BANK1: variants seen among roughly 807,000 people sequenced by gnomAD.
BANK1 encodes the protein B cell scaffold protein with ankyrin repeats 1.
Under a neutral mutation model 94.5 loss-of-function variants are expected in BANK1, and 95 were observed. The ratio of observed to expected loss-of-function variants is 1.00; its 90% CI spans 0.85 to 1.19. The LOEUF is 1.19. Among genes scored for constraint, BANK1 ranks in the 50% most tolerant of loss-of-function variants. The pLI is 0.00. For synonymous variants in BANK1, 334 were observed against 308.4 expected, an observed-to-expected ratio of 1.08 and a Z score of -0.87; for missense variants, 987 against 932.2, an observed-to-expected ratio of 1.06 and a Z score of -0.77.
In BANK1 at chr4:102,064,482, G is replaced by A. The variant is rs150071112; in HGVS notation, c.2212+1344G>A. Reference sequence around the variant, plus strand: ...TTTCTTACAATAACTCTATGAGGTGGGCAATATTTCCAGTTTATAAATAAG... The same window carrying A: ...TTTCTTACAATAACTCTATGAGGTGAGCAATATTTCCAGTTTATAAATAAG... On this transcript the variant is annotated intron_variant, in intron 13 of 16. Coordinates refer to ENST00000322953, the MANE Select transcript of BANK1 (RefSeq NM_017935.5). Among the ~76,000 whole-genome samples, 295 of 152,104 alleles carry A rather than the reference G, an allele frequency of 1.9e-3. 1 individual carries two copies. Among genetic ancestry groups the A allele is most frequent in the African/African-American group, 6.9e-3 (285 of 41,476 alleles).
chr4:101,998,475 C>T (rs1725955102), intron 7 of BANK1, among the ~76,000 whole-genome samples: 1 of 152,050 alleles, frequency 6.6e-6, no homozygotes, highest in South Asian at 2.1e-4. Context: ...TCCTTGTTAA[C>T]TATCTGTCTT....
chr4:101,793,392 G>C (rs1180880397), intron 1 of BANK1, among the ~76,000 whole-genome samples: 2 of 152,166 alleles, frequency 1.3e-5, no homozygotes, highest in Non-Finnish European at 2.9e-5. Flanking sequence ...GAAATGTTCT[G>C]ATAAGGTCAC....
chr4:101,900,612 T>C (rs1722244756), intron 6 of BANK1, among the ~76,000 whole-genome samples: 1 of 152,078 alleles, frequency 6.6e-6, no homozygotes, highest in South Asian at 2.1e-4. Context: ...TACTGATAGA[T>C]TGCAGATGAA....
intron 7 of BANK1, among the ~76,000 whole-genome samples, chr4:102,014,867 A>G (rs760736482): frequency 2.6e-5 from 4 of 152,122 alleles, no homozygotes; most frequent in African/African-American, 4.8e-5. Flanking sequence ...CACTCTTAAT[A>G]TCTTATTCAA....
intron 6 of BANK1, among the ~76,000 whole-genome samples, chr4:101,909,697 G>A (rs147175581): frequency 4.2e-4 from 64 of 152,288 alleles, no homozygotes; most frequent in African/African-American, 1.5e-3. Context: ...TTTATTGCCA[G>A]TTTTGGGGCC....
intron 10 of BANK1, among the ~76,000 whole-genome samples, chr4:102,035,952 A>G (rs1727500322): frequency 6.6e-6 from 1 of 152,224 alleles, no homozygotes; most frequent in Non-Finnish European, 1.5e-5. Flanking sequence ...AATCAGGGAA[A>G]GAAAATGAGC....
At chr4:102,059,510 C>T (rs995602557) in intron 11 of BANK1, among the ~76,000 whole-genome samples, 1 of 152,138 alleles carries the variant, frequency 6.6e-6, no homozygotes, top group Admixed American at 6.5e-5. Context: ...TAAAGTCATG[C>T]AGGCCTATTT....
At chr4:101,977,319 G>A (rs1274314664) in intron 7 of BANK1, among the ~76,000 whole-genome samples, 1 of 152,132 alleles carries the variant, frequency 6.6e-6, no homozygotes, top group Non-Finnish European at 1.5e-5. Context: ...GACAAAGCCA[G>A]GCACATGGCC....
chr4:101,868,048 T>A (rs1411027808), intron 4 of BANK1, among the ~76,000 whole-genome samples: 1 of 151,888 alleles, frequency 6.6e-6, no homozygotes, highest in Non-Finnish European at 1.5e-5. Context: ...CAAGACCCAA[T>A]AATATGTTGT....
intron 7 of BANK1, among the ~76,000 whole-genome samples, chr4:101,942,027 T>G (rs1723766979): frequency 6.6e-6 from 1 of 151,616 alleles, no homozygotes; most frequent in African/African-American, 2.4e-5. Flanking sequence ...TGGAAGAGAG[T>G]AAGAACAATA....
At position 101,801,810 on chromosome 4, in the gene BANK1, T is replaced by G. The variant is rs185456943; in HGVS notation, c.70+10860T>G. 5.0e-3 allele frequency among the ~76,000 whole-genome samples: 759 copies of G among 152,342 alleles called. 8 individuals are homozygous for G. Among genetic ancestry groups the G allele is most frequent in the African/African-American group, 0.017 (708 of 41,576 alleles). On this transcript the variant is annotated intron_variant, in intron 1 of 16. Coordinates refer to ENST00000322953, the MANE Select transcript of BANK1 (RefSeq NM_017935.5). Reference sequence around the variant, plus strand: ...AACTTTGTCTTATGCATCACAAATATTTTTCTTTTATCACTTATTTGTTAA... The same window carrying G: ...AACTTTGTCTTATGCATCACAAATAGTTTTCTTTTATCACTTATTTGTTAA...
chr4:101,986,518 A>G (rs1326243931), intron 7 of BANK1, among the ~76,000 whole-genome samples: 1 of 151,902 alleles, frequency 6.6e-6, no homozygotes, highest in African/African-American at 2.4e-5. Flanking sequence ...ATGGATGATA[A>G]TTTATCTCTT....
chr4:101,813,357 A>G (rs1482984782), intron 1 of BANK1, among the ~76,000 whole-genome samples: 1 of 152,220 alleles, frequency 6.6e-6, no homozygotes, highest in Non-Finnish European at 1.5e-5. Flanking sequence ...AAAATCCTAA[A>G]ATATTTATTT....
In BANK1 at chr4:102,015,048, C is replaced by T. The variant is rs551647331; in HGVS notation, c.1207-6466C>T. On this transcript the variant is annotated intron_variant, in intron 7 of 16. Coordinates refer to ENST00000322953, the MANE Select transcript of BANK1 (RefSeq NM_017935.5). ...TTTTTTGCTAAACCCCTTCTTTTTC[C>T]TATCTTCTCACCATCCAACTTCATT... Among the ~76,000 whole-genome samples the T allele has an allele frequency of 1.4e-3, 210 of 152,100 alleles. 3 individuals are homozygous for T. Among genetic ancestry groups the T allele is most frequent in the African/African-American group, 4.7e-3 (197 of 41,524 alleles).
chr4:101,792,610 C>T (rs567278942), intron 1 of BANK1, among the ~76,000 whole-genome samples: 4 of 151,896 alleles, frequency 2.6e-5, no homozygotes, highest in Non-Finnish European at 4.4e-5. Context: ...GGTTTCATAA[C>T]TAGTAATTAT....
intron 10 of BANK1, among the ~76,000 whole-genome samples, chr4:102,043,187 T>G (rs1057101392): frequency 1.3e-5 from 2 of 152,040 alleles, no homozygotes; most frequent in Non-Finnish European, 2.9e-5. Context: ...TATGGAACTT[T>G]GTGGGTCCTC....
At chr4:101,987,499 TC>T (rs1197189520) in intron 7 of BANK1, among the ~76,000 whole-genome samples, 2 of 152,276 alleles carry the variant, frequency 1.3e-5, no homozygotes, top group African/African-American at 4.8e-5. Context: ...TTTGATATAC[TC>T]ATTTAAAGCA....
rs368081299 is a variant in BANK1, at chr4:102,073,729, A to T, written c.2344A>T (p.Lys782Ter). Residue 782 changes from lysine to a stop codon, truncating the protein, a stop_gained, in exon 16 of 17, where the codon AAG becomes TAG. Coordinates refer to ENST00000322953, the MANE Select transcript of BANK1 (RefSeq NM_017935.5). LOFTEE classifies it high-confidence loss of function. ...TGAAAAGGAATTTGGTTTCTGTTGC[A>T]AGAAAGATCATTAAAGAAGGTAAAA... Reference protein sequence around the residue: ...QVEKEFGFCCKKDH With the variant: ...QVEKEFGFCC The T allele has an allele frequency of 1.9e-5, 31 of 1,611,022 alleles. No homozygotes were observed. The highest frequency in any genetic ancestry group is 2.5e-5 in the Non-Finnish European group (30 of 1,178,328).
At chr4:102,014,588 T>C (rs1203302198) in intron 7 of BANK1, among the ~76,000 whole-genome samples, 2 of 152,172 alleles carry the variant, frequency 1.3e-5, no homozygotes, top group African/African-American at 4.8e-5. Flanking sequence ...ATTAAAGGAC[T>C]ATAATTTCTT....
Sources: gnomAD v4.1 joint callset for allele counts (sites outside exome capture counted in the v4.1 genomes callset) on GRCh38, gnomAD v4.1.1 for gene constraint, MANE v1.5 for transcripts, NCBI Gene and HGNC (gene_info 2026-07-23, HGNC 2026-07-21) for gene names.